The following TAMM41 variants were observed in gnomAD, a reference collection of about 807,000 sequenced individuals.
TAMM41 encodes the protein phosphatidate cytidylyltransferase, mitochondrial.
A neutral mutation model predicts 44.1 loss-of-function variants in TAMM41; 36 were observed. The observed-to-expected ratio is 0.82, with a 90% CI of 0.63 to 1.08. The LOEUF (loss-of-function observed/expected upper bound fraction) is 1.08, where lower values mean the gene tolerates loss of function less well. Among genes scored for constraint, TAMM41 ranks in the 50% least tolerant of loss-of-function variants. The pLI, the probability that TAMM41 is intolerant of heterozygous loss-of-function variation, is 0.00. For missense variants in TAMM41, 417 were observed against 404.3 expected, an observed-to-expected ratio of 1.03 and a Z score of -0.27; for synonymous variants, 164 against 153.1, an observed-to-expected ratio of 1.07 and a Z score of -0.53.
the TAMM41 span, among the ~76,000 whole-genome samples, chr3:11,750,071 T>G: frequency 6.6e-6 from 1 of 151,084 alleles, no homozygotes; most frequent in Non-Finnish European, 1.5e-5. Context: ...TAATTTTTTG[T>G]ATTTTTAGTA....
intron 3 of TAMM41, among the ~76,000 whole-genome samples, chr3:11,837,512 T>C (rs1356412787): frequency 2.6e-5 from 4 of 151,908 alleles, no homozygotes. Context: ...CTGTTTCTAC[T>C]AAAGCCCAGG....
At chr3:11,843,840 G>A (rs1044631164) in intron 2 of TAMM41, 189 bp downstream of exon 2, 3 of 606,000 alleles carry the variant, frequency 5.0e-6, no homozygotes, top group South Asian at 5.2e-5. Context: ...AAGACGTCTG[G>A]CAGGAGTGTG....
downstream of TAMM41, among the ~76,000 whole-genome samples, chr3:11,788,300 C>T (rs1041739630): frequency 1.3e-5 from 2 of 152,154 alleles, no homozygotes; most frequent in African/African-American, 4.8e-5. Context: ...AGGAAAAATT[C>T]GTATCGTATA....
chr3:11,835,116 G>T (rs147843939), intron 3 of TAMM41, among the ~76,000 whole-genome samples: 329 of 152,194 alleles, frequency 2.2e-3, no homozygotes, highest in African/African-American at 7.7e-3. Context: ...CAAAGATAAA[G>T]AATTCATACT....
intron 3 of TAMM41, chr3:11,832,971 G>C: frequency 9.8e-7 from 1 of 1,019,288 alleles, no homozygotes; most frequent in East Asian, 9.9e-5. Flanking sequence ...TGCTATTTAA[G>C]ATTAAGAGGA....
downstream of TAMM41, among the ~76,000 whole-genome samples, chr3:11,790,005 A>C (rs1416513043): frequency 6.6e-6 from 1 of 152,188 alleles, no homozygotes; most frequent in Admixed American, 6.5e-5. Context: ...CTAACCCAAA[A>C]GTCACTGCCA....
the TAMM41 span, among the ~76,000 whole-genome samples, chr3:11,727,058 A>G: frequency 0.29 from 44,518 of 152,042 alleles, 6,744 homozygotes; most frequent in Middle Eastern, 0.37. Context: ...ATGTTTGAGG[A>G]GCACTCACTA....
the TAMM41 span, among the ~76,000 whole-genome samples, chr3:11,769,096 G>A: frequency 6.6e-6 from 1 of 152,182 alleles, no homozygotes; most frequent in African/African-American, 2.4e-5. Flanking sequence ...GCCTCACTAA[G>A]GAGCATCCAT....
chr3:11,837,270 G>T (rs1233711792), intron 3 of TAMM41, among the ~76,000 whole-genome samples: 2 of 152,166 alleles, frequency 1.3e-5, no homozygotes, highest in African/African-American at 4.8e-5. Context: ...TCGGCCTCTT[G>T]TGGAGCCTGG....
chr3:11,841,433 G>C (rs2079436522), intron 2 of TAMM41, among the ~76,000 whole-genome samples: 1 of 152,004 alleles, frequency 6.6e-6, no homozygotes, highest in Non-Finnish European at 1.5e-5. Flanking sequence ...GATTTCCCAG[G>C]TTACAAAGTC....
At chr3:11,791,062 C>T (rs1218298731) in intron 7 of TAMM41, among the ~76,000 whole-genome samples, 1 of 152,302 alleles carries the variant, frequency 6.6e-6, no homozygotes, top group East Asian at 1.9e-4. Context: ...GATTTCTTCT[C>T]TAGGAAGTGC....
At chr3:11,839,027 C>A (rs2079311834) in intron 3 of TAMM41, among the ~76,000 whole-genome samples, 195 bp downstream of exon 3, 1 of 152,194 alleles carries the variant, frequency 6.6e-6, no homozygotes, top group Non-Finnish European at 1.5e-5. Flanking sequence ...AGGAAAAAAA[C>A]CAAATACATA....
At chr3:11,782,083 C>A in the TAMM41 span, among the ~76,000 whole-genome samples, 2 of 152,156 alleles carry the variant, frequency 1.3e-5, no homozygotes, top group Non-Finnish European at 2.9e-5. Context: ...TGGGTCAGAT[C>A]ACCTGGATAC....
intron 7 of TAMM41, among the ~76,000 whole-genome samples, chr3:11,801,586 A>G (rs1012254623): frequency 2.0e-4 from 31 of 152,122 alleles, no homozygotes; most frequent in African/African-American, 6.8e-4. Flanking sequence ...TCAGACTCCC[A>G]AAGTGCTGGG....
At chr3:11,785,125 C>T in the TAMM41 span, among the ~76,000 whole-genome samples, 1 of 152,130 alleles carries the variant, frequency 6.6e-6, no homozygotes, top group Admixed American at 6.6e-5. Flanking sequence ...CTCGGCCATT[C>T]CTCTGTACTC....
At chr3:11,756,489 T>C in the TAMM41 span, among the ~76,000 whole-genome samples, 1 of 152,152 alleles carries the variant, frequency 6.6e-6, no homozygotes, top group African/African-American at 2.4e-5. Context: ...CACTATCTTA[T>C]ATATGAGCAA....
the TAMM41 span, among the ~76,000 whole-genome samples, chr3:11,771,957 T>A: frequency 6.6e-6 from 1 of 152,226 alleles, no homozygotes; most frequent in African/African-American, 2.4e-5. Flanking sequence ...ATGTGTATAT[T>A]GTGTAGTGGT....
At chr3:11,773,817 C>A in the TAMM41 span, among the ~76,000 whole-genome samples, 1 of 152,052 alleles carries the variant, frequency 6.6e-6, no homozygotes, top group Non-Finnish European at 1.5e-5. Context: ...GGGCCGGGTG[C>A]GGTGGCTCAG....
In TAMM41 at chr3:11,809,707, C is replaced by T. The variant is rs772168720; in HGVS notation, c.709-25G>A. 23 of 1,587,596 alleles carry T rather than the reference C, an allele frequency of 1.4e-5. No individual in the cohort carries two copies. In the South Asian group the frequency reaches 1.6e-4, roughly 11 times the overall value. Reference sequence around the variant, plus strand: ...TCTGAAGGGAGGAAAAAAAAGACGACGTCTATGGAAGTGCTTTAAATCCTA... The same window carrying T: ...TCTGAAGGGAGGAAAAAAAAGACGATGTCTATGGAAGTGCTTTAAATCCTA... On this transcript the variant is annotated intron_variant, in intron 5 of 7. Transcript: ENST00000455809.
Sources: gnomAD v4.1 joint callset for allele counts (sites outside exome capture counted in the v4.1 genomes callset) on GRCh38, gnomAD v4.1.1 for gene constraint, MANE v1.5 for transcripts, NCBI Gene and HGNC (gene_info 2026-07-23, HGNC 2026-07-21) for gene names.